TMC5: variants seen among roughly 807,000 people sequenced by gnomAD.
TMC5 encodes the protein transmembrane channel-like protein 5.
Under a neutral mutation model 110.5 loss-of-function variants are expected in TMC5, and 86 were observed. The ratio of observed to expected loss-of-function variants is 0.78; its 90% CI spans 0.65 to 0.93. TMC5 has a LOEUF of 0.93. Ranked by LOEUF, TMC5 falls within the 40% of genes least tolerant of loss-of-function variation. The pLI is 0.00. For synonymous variants in TMC5, 455 were observed against 439.5 expected (o/e 1.04, Z -0.44); for missense variants, 1,144 against 1,222.8 (o/e 0.94, Z 0.96).
At chr16:19,449,385 C>A (rs1967696282) in intron 4 of TMC5, among the ~76,000 whole-genome samples, 157 bp from the exon 5 acceptor site, 1 of 152,194 alleles carries the variant, frequency 6.6e-6, no homozygotes, top group Non-Finnish European at 1.5e-5. Context: ...CTAGTTTCCA[C>A]CCAAGTTCTT....
At chr16:19,434,039 A>G (rs1186692279) in intron 2 of TMC5, among the ~76,000 whole-genome samples, 2 of 6,598 alleles carry the variant, frequency 3.0e-4, no homozygotes, top group African/African-American at 4.8e-4. Flanking sequence ...TATATATTAT[A>G]TATATAATAT....
intron 10 of TMC5, 86 bp downstream of exon 10, chr16:19,469,911 T>C (rs74349825): frequency 1.5e-6 from 2 of 1,333,720 alleles, no homozygotes; most frequent in South Asian, 2.7e-5. Context: ...TTTTTTTTTT[T>C]TGAATTGGAG....
At position 19,498,663 on chromosome 16, in the gene TMC5, T is replaced by C. The variant is rs1969116421; in HGVS notation, c.*697T>C. The C allele has an allele frequency of 6.6e-6, 1 of 152,174 alleles. No individual in the cohort carries two copies. The highest frequency in any genetic ancestry group is 6.5e-5 in the Admixed American group (1 of 15,286). The allele number at this position is 152,174 out of a possible 1,614,324, so 9.4% of individuals were successfully genotyped here. The stretch of plus-strand genomic sequence containing the variant: ...TGAGATTTATCCGAGACGCGATTAT[T>C]GCTAATTGGAAATTTTCCCAATACC... On this transcript the variant is annotated 3_prime_UTR_variant, in exon 22 of 22. Coordinates refer to ENST00000542583, the MANE Select transcript of TMC5 (RefSeq NM_001261841.2).
chr16:19,438,449 G>GAAAGAAAGAAAGAAAGAAAGA (rs1333982730), intron 2 of TMC5, among the ~76,000 whole-genome samples: 1 of 145,604 alleles, frequency 6.9e-6, no homozygotes, highest in Non-Finnish European at 1.5e-5. Flanking sequence ...AAGAAAGAAA[G>GAAAGAAAGAAAGAAAGAAAGA]AAAGAAAGAA....
rs942296481 is a variant in TMC5 at position 19,433,816 on chromosome 16, T to C, written c.-80+3176T>C. ...CTCTACCTGATTATAAGACATTTCC[T>C]ATTTCTTTCTTTCTTTTTTTTTGAG... On this transcript the variant is annotated intron_variant, in intron 2 of 21. Transcript: ENST00000542583. Among the ~76,000 whole-genome samples the C allele has an allele frequency of 2.0e-5, 3 of 151,014 alleles. No individual in the cohort carries two copies. The Admixed American group carries it at 2.0e-4, about 10-fold the overall frequency.
chr16:19,487,699 C>T (rs1567326077), intron 17 of TMC5: 1 of 102,492 alleles, frequency 9.8e-6, no homozygotes, highest in African/African-American at 4.5e-5. Flanking sequence ...GAGACTCTGT[C>T]TCAATAAATA....
At position 19,474,218 on chromosome 16, in the gene TMC5, T is replaced by A. The variant is rs1213404182; in HGVS notation, c.2032T>A (p.Phe678Ile). The A allele has an allele frequency of 1.2e-6, 2 of 1,614,130 alleles. No homozygotes were observed. The highest frequency in any genetic ancestry group is 2.2e-5 in the East Asian group (1 of 44,872). ...GGCCGTGCCATGCATCTACTCCATG[T>A]TCAGGCTTGTGGAGAGGTACGAGAT... ...NLAVPCIYSM[F>I]RLVERYEMPR... Residue 678 changes from phenylalanine to isoleucine, a missense_variant, in exon 12 of 22, where the codon TTC becomes ATC. Phe to Ile is a conservative substitution (Grantham distance 21). Coordinates refer to ENST00000542583, the MANE Select transcript of TMC5 (RefSeq NM_001261841.2).
At chr16:19,450,278 C>T (rs989617780) in intron 5 of TMC5, among the ~76,000 whole-genome samples, 3 of 152,144 alleles carry the variant, frequency 2.0e-5, no homozygotes, top group South Asian at 2.1e-4. Context: ...GTGGTAGAAG[C>T]GTATGGGGGA....
In TMC5 at chr16:19,495,008, A is replaced by ATTTTTTTTTTTTTTTTTT. The variant is rs1226858039; in HGVS notation, c.2931+644_2931+645insTTTTTTTTTTTTTTTTTT. Among the ~76,000 whole-genome samples the ATTTTTTTTTTTTTTTTTT allele has an allele frequency of 1.1e-4, 4 of 37,138 alleles. 1 individual carries two copies. The highest frequency in any genetic ancestry group is 2.5e-4 in the African/African-American group (2 of 8,032). The allele number at this position is 37,138 out of a possible 152,430, so 24.4% of individuals were successfully genotyped here. ...TCTCACTATGAATACTTCAGTGTCT[A>ATTTTTTTTTTTTTTTTTT]TTCTTTTTTTTTTTTTTTTTTTTTG... On this transcript the variant is annotated intron_variant, in intron 20 of 21. Coordinates refer to ENST00000542583, the MANE Select transcript of TMC5 (RefSeq NM_001261841.2).
intron 1 of TMC5, among the ~76,000 whole-genome samples, chr16:19,426,438 C>T (rs9929961): frequency 0.051 from 7,698 of 152,282 alleles, 288 homozygotes; most frequent in African/African-American, 0.11. Context: ...ATTCTGAGCA[C>T]ACTGACAGTG....
intron 19 of TMC5, among the ~76,000 whole-genome samples, chr16:19,493,466 T>TCTCTTTC (rs563230178): frequency 9.6e-5 from 12 of 124,492 alleles, no homozygotes; most frequent in Non-Finnish European, 1.6e-4. Flanking sequence ...TCTCTCTCTC[T>TCTCTTTC]TTTTTTTTTT....
intron 20 of TMC5, among the ~76,000 whole-genome samples, chr16:19,495,999 CAAG>C (rs1157697110): frequency 6.6e-6 from 1 of 151,384 alleles, no homozygotes; most frequent in African/African-American, 2.4e-5. Context: ...AACAAACAAA[CAAG>C]AAAACTTAGC....
intron 14 of TMC5, among the ~76,000 whole-genome samples, chr16:19,479,888 G>A (rs11863290): frequency 0.052 from 7,732 of 147,976 alleles, 352 homozygotes; most frequent in African/African-American, 0.13. Context: ...GAGGCCAGGA[G>A]TTTGAGACTA....
chr16:19,482,313 G>T (rs1161702623), intron 15 of TMC5, among the ~76,000 whole-genome samples: 1 of 152,124 alleles, frequency 6.6e-6, no homozygotes, highest in Non-Finnish European at 1.5e-5. Context: ...CCACCTTGGT[G>T]GATCCCAAAG....
rs563230178 is a variant in TMC5 at position 19,493,466 on chromosome 16, T to TCTTTC, written c.2827-796_2827-795insCTTTC. ...TAATGTCTCTCTCTCTCTCTCTCTC[T>TCTTTC]TTTTTTTTTTTTGAGACAGAATCTC... On this transcript the variant is annotated intron_variant, in intron 19 of 21. Transcript: ENST00000542583. Among the ~76,000 whole-genome samples, 728 of 124,490 alleles carry TCTTTC rather than the reference T, an allele frequency of 5.8e-3. 4 individuals are homozygous for TCTTTC. The highest frequency in any genetic ancestry group is 8.6e-3 in the Non-Finnish European group (547 of 63,420). The allele number at this position is 124,490 out of a possible 152,430, so 81.7% of individuals were successfully genotyped here. A position where few individuals can be genotyped will look rare whatever the true frequency, so the allele number is the denominator to read the frequency against.
chr16:19,477,513 G>A lies in TMC5; in HGVS notation c.2164G>A (p.Glu722Lys). 1 of 1,605,000 alleles carries A rather than the reference G, an allele frequency of 6.2e-7. No homozygotes were observed. The highest frequency in any genetic ancestry group is 8.5e-7 in the Non-Finnish European group (1 of 1,175,250). ...YWLNTVALSG[E>K]ECWETLIGQD... ...GCTCAACACCGTGGCCCTGTCTGGT[G>A]AAGAGGTGAGATTCTATGCTTCTCT... The change falls in exon 13 of 22, where the codon GAA becomes AAA. Residue 722 changes from glutamate (E) to lysine (K), a missense_variant. Coordinates refer to ENST00000542583, the MANE Select transcript of TMC5 (RefSeq NM_001261841.2).
At chr16:19,422,559 T>A (rs1967007769) in intron 1 of TMC5, among the ~76,000 whole-genome samples, 1 of 152,208 alleles carries the variant, frequency 6.6e-6, no homozygotes, top group African/African-American at 2.4e-5. Context: ...CTGGGTATGG[T>A]GGCTCACGTC....
chr16:19,415,149 C>T (rs772308006), upstream of TMC5, among the ~76,000 whole-genome samples: 5 of 152,098 alleles, frequency 3.3e-5, no homozygotes, highest in African/African-American at 7.2e-5. Context: ...AGACAAGAAA[C>T]GTATAATTAC....
At chr16:19,418,744 T>C (rs1391911849) in intron 1 of TMC5, among the ~76,000 whole-genome samples, 4 of 120,454 alleles carry the variant, frequency 3.3e-5, no homozygotes, top group Non-Finnish European at 6.8e-5. Flanking sequence ...TTTTTTTTTT[T>C]CGAGACAATA....
Sources: allele counts gnomAD v4.1 joint callset (sites outside exome capture counted in the v4.1 genomes callset), GRCh38; gene constraint gnomAD v4.1.1; transcripts MANE v1.5; gene names NCBI Gene and HGNC (gene_info 2026-07-23, HGNC 2026-07-21).